Variants in FBXO7 observed in about 807,000 individuals in gnomAD.
FBXO7 encodes the protein F-box only protein 7.
Under a neutral mutation model 50.2 loss-of-function variants are expected in FBXO7, and 31 were observed. That is an observed-to-expected ratio of 0.62 (90% confidence interval 0.46 to 0.83). The LOEUF is 0.83. Among genes scored for constraint, FBXO7 ranks in the 40% least tolerant of loss-of-function variants. The pLI is 0.00. For synonymous variants in FBXO7, 256 were observed against 253.1 expected, an observed-to-expected ratio of 1.01 and a Z score of -0.11; for missense variants, 667 against 646.6, an observed-to-expected ratio of 1.03 and a Z score of -0.34.
intron 8 of FBXO7, among the ~76,000 whole-genome samples, chr22:32,496,560 C>T (rs2057576536): frequency 6.6e-6 from 1 of 152,154 alleles, no homozygotes; most frequent in Admixed American, 6.5e-5. Context: ...ACAACAAAGC[C>T]TGGATGACAG....
intron 3 of FBXO7, 144 bp from the exon 4 acceptor site, chr22:32,484,924 G>C (rs1228529636): frequency 7.0e-6 from 6 of 857,552 alleles, no homozygotes; most frequent in Non-Finnish European, 1.2e-5. Context: ...AAATATATTG[G>C]CAATGTTAAT....
In FBXO7 at chr22:32,475,115, G is replaced by A. The variant is rs2145983670; in HGVS notation, c.113G>A (p.Trp38Ter). 2 of 1,544,490 alleles carry A rather than the reference G, an allele frequency of 1.3e-6. No homozygotes were observed. The highest frequency in any genetic ancestry group is 4.9e-5 in the East Asian group (2 of 40,492). The change falls in exon 1 of 9, where the codon TGG becomes TAG. Residue 38 changes from tryptophan to a stop codon, truncating the protein, a stop_gained. Coordinates refer to ENST00000266087, the MANE Select transcript of FBXO7 (RefSeq NM_012179.4). LOFTEE classifies it high-confidence loss of function. The stretch of plus-strand genomic sequence containing the variant: ...CTGAGGCAGTCCCTGCTGTGCACCT[G>A]GGGGTACAGGTACGCTGGGGCCGGG... ...SHLRQSLLCT[W>*]GYSSNTRFTI...
chr22:32,484,169 C>T, intron 3 of FBXO7, 45 bp downstream of exon 3: 2 of 1,520,086 alleles, frequency 1.3e-6, no homozygotes, highest in South Asian at 2.2e-5. Context: ...ATTGCTCATA[C>T]ATGTGGATGG....
At chr22:32,475,255 CG>C (rs766012238) in intron 1 of FBXO7, 131 bp downstream of exon 1, 35 of 1,547,652 alleles carry the variant, frequency 2.3e-5, no homozygotes, top group East Asian at 4.8e-5. Flanking sequence ...GCGGGGACGC[CG>C]GGGGGGCCTT....
intron 7 of FBXO7, 33 bp downstream of exon 7, chr22:32,493,314 G>T: frequency 6.3e-7 from 1 of 1,583,306 alleles, no homozygotes; most frequent in South Asian, 1.1e-5. Context: ...CACAAGAAAG[G>T]GCTCTTATTG....
chr22:32,497,284 G>A (rs938790547), intron 8 of FBXO7, among the ~76,000 whole-genome samples: 7 of 152,146 alleles, frequency 4.6e-5, no homozygotes, highest in African/African-American at 1.7e-4. Flanking sequence ...TACCCAATAT[G>A]TAGTCTTTTA....
intron 2 of FBXO7, among the ~76,000 whole-genome samples, chr22:32,482,010 C>T (rs1228382156): frequency 6.6e-6 from 1 of 151,592 alleles, no homozygotes; most frequent in African/African-American, 2.4e-5. Flanking sequence ...ATTTTGATAT[C>T]TCCCTCTCAT....
chr22:32,477,175 A>G (rs2057434451), intron 1 of FBXO7, among the ~76,000 whole-genome samples: 1 of 152,234 alleles, frequency 6.6e-6, no homozygotes, highest in South Asian at 2.1e-4. Flanking sequence ...GCAAACAGGA[A>G]TAGCTTCTAT....
chr22:32,493,182 G>A lies in FBXO7; in HGVS notation c.1045G>A (p.Val349Ile). The change falls in exon 7 of 9, where the codon GTT (valine) becomes ATT (isoleucine). Residue 349 changes from valine to isoleucine, a missense_variant. By Grantham distance (29) the Val-to-Ile change is conservative. Coordinates refer to ENST00000266087, the MANE Select transcript of FBXO7 (RefSeq NM_012179.4). ...ACTACGGATCTTCCGACTTCTGGAT[G>A]TTCGTTCCGTCTTGTCTTTGTCTGC... The part of the protein sequence containing the change: ...LKLRIFRLLD[V>I]RSVLSLSAVC... The A allele has an allele frequency of 6.2e-7, 1 of 1,614,176 alleles. No homozygotes were observed. The highest frequency in any genetic ancestry group is 1.1e-5 in the South Asian group (1 of 91,086).
At chr22:32,497,073 G>T (rs1299882877) in intron 8 of FBXO7, among the ~76,000 whole-genome samples, 1 of 152,168 alleles carries the variant, frequency 6.6e-6, no homozygotes, top group Non-Finnish European at 1.5e-5. Context: ...CCTGAAGATG[G>T]GACTGAATTG....
chr22:32,488,356 A>G (rs2057512676), intron 5 of FBXO7: 1 of 153,150 alleles, frequency 6.5e-6, no homozygotes, highest in Non-Finnish European at 1.5e-5. Flanking sequence ...CTTAAACTCT[A>G]TAAAATTATT....
chr22:32,491,014 G>A (rs2057531173), intron 5 of FBXO7, 72 bp from the exon 6 acceptor site: 2 of 1,018,862 alleles, frequency 2.0e-6, no homozygotes, highest in Admixed American at 3.4e-5. Flanking sequence ...ATGTTGATTG[G>A]GTTTGGCAGA....
At position 32,498,587 on chromosome 22, in the gene FBXO7, G is replaced by A; in HGVS notation, c.*57G>A. The stretch of plus-strand genomic sequence containing the variant: ...TTGTTTTTGTTTCTAAACTACAGAT[G>A]TCAACTCCTTGGGGTGCTGATCTCG... On this transcript the variant is annotated 3_prime_UTR_variant, in exon 9 of 9. Transcript: ENST00000266087. The A allele has an allele frequency of 6.4e-7, 1 of 1,558,832 alleles. No homozygotes were observed. Among genetic ancestry groups the A allele is most frequent in the Non-Finnish European group, 8.7e-7 (1 of 1,151,406 alleles).
intron 2 of FBXO7, among the ~76,000 whole-genome samples, chr22:32,480,000 G>A (rs1458728360): frequency 6.6e-6 from 1 of 152,208 alleles, no homozygotes; most frequent in Admixed American, 6.5e-5. Context: ...TTGGAAATAT[G>A]TGTGCTCAGT....
chr22:32,484,915 A>T (rs947393018), intron 3 of FBXO7, among the ~76,000 whole-genome samples, 153 bp from the exon 4 acceptor site: 1 of 152,198 alleles, frequency 6.6e-6, no homozygotes, highest in Admixed American at 6.5e-5. Flanking sequence ...TACAATATAA[A>T]ATATATTGGC....
chr22:32,496,968 C>T (rs559044553), intron 8 of FBXO7, among the ~76,000 whole-genome samples: 2 of 152,066 alleles, frequency 1.3e-5, no homozygotes, highest in Non-Finnish European at 2.9e-5. Flanking sequence ...GAAGTTGATT[C>T]CAATCCTCGT....
chr22:32,489,493 G>C (rs950323360), intron 5 of FBXO7: 10 of 152,274 alleles, frequency 6.6e-5, no homozygotes, highest in African/African-American at 2.4e-4. Context: ...AGCAGTAGAG[G>C]TTTTATGCCC....
intron 4 of FBXO7, 87 bp from the exon 5 acceptor site, chr22:32,487,658 G>C (rs1427630981): frequency 2.1e-5 from 17 of 804,428 alleles, no homozygotes; most frequent in Non-Finnish European, 3.2e-5. Flanking sequence ...TATATTAGGA[G>C]CTAGGAAATG....
rs2057422709 is a variant in FBXO7, at chr22:32,475,586, T to C, written c.122+462T>C. On this transcript the variant is annotated intron_variant, in intron 1 of 8. Coordinates refer to ENST00000266087, the MANE Select transcript of FBXO7 (RefSeq NM_012179.4). The stretch of plus-strand genomic sequence containing the variant: ...TATTTCAATGAAAAAGTTTGGAAAT[T>C]GCTAGAAGTTAAAAATCTGCCCTCA... 4.0e-6 allele frequency: 3 copies of C among 741,976 alleles called. No individual in the cohort carries two copies. In the South Asian group the frequency reaches 7.2e-5, roughly 18 times the overall value. 46.0% of individuals were successfully genotyped at this position (741,976 alleles called of 1,614,324 possible). A position where few individuals can be genotyped will look rare whatever the true frequency, so the allele number is the denominator to read the frequency against.
Sources: allele counts gnomAD v4.1 joint callset (sites outside exome capture counted in the v4.1 genomes callset), GRCh38; gene constraint gnomAD v4.1.1; transcripts MANE v1.5; gene names NCBI Gene and HGNC (gene_info 2026-07-23, HGNC 2026-07-21).